Variants in NDUFAF5 observed in about 807,000 individuals in gnomAD.
The protein encoded by NDUFAF5 is NADH:ubiquinone oxidoreductase complex assembly factor 5, also known as arginine-hydroxylase NDUFAF5, mitochondrial.
In NDUFAF5, 34 loss-of-function variants were observed where a neutral mutation model predicts 48.9. The observed-to-expected ratio is 0.70, with a 90% CI of 0.53 to 0.93. NDUFAF5 has a LOEUF of 0.93. NDUFAF5 is among the 40% of genes least tolerant of loss of function. The pLI, the probability that NDUFAF5 is intolerant of heterozygous loss-of-function variation, is 0.00. For missense variants in NDUFAF5, 428 were observed against 427.5 expected (o/e 1.00, Z -0.01); for synonymous variants, 153 against 150.6 (o/e 1.02, Z -0.12).
At chr20:13,816,330 G>A in intron 8 of NDUFAF5, 133 bp from the exon 9 acceptor site, 1 of 730,048 alleles carries the variant, frequency 1.4e-6, no homozygotes, top group Non-Finnish European at 2.5e-6. Flanking sequence ...AAAGTGAAAT[G>A]AGATTTAGGT....
At chr20:13,794,019 T>C (rs1157578587) in intron 4 of NDUFAF5, among the ~76,000 whole-genome samples, 2 of 152,256 alleles carry the variant, frequency 1.3e-5, no homozygotes, top group Admixed American at 6.5e-5. Context: ...TTCTAGGTGA[T>C]TTGTAAGAGC....
At chr20:13,795,490 C>T (rs1983058526) in intron 5 of NDUFAF5, among the ~76,000 whole-genome samples, 1 of 152,116 alleles carries the variant, frequency 6.6e-6, no homozygotes, top group Non-Finnish European at 1.5e-5. Flanking sequence ...TCATTCTGGA[C>T]AAACTCAAAC....
rs2273320 is a variant in NDUFAF5 at position 13,816,254 on chromosome 20, T to C, written c.779-209T>C. The C allele has an allele frequency of 0.15, 94,318 of 612,982 alleles. 10,005 individuals carry two copies. The highest frequency in any genetic ancestry group is 0.42 in the East Asian group (14,306 of 34,454). 38.0% of individuals were successfully genotyped at this position (612,982 alleles called of 1,614,324 possible). ...TGCCTCCTGAAATTTCACTTGCCTG[T>C]CTTAATGTTGAAAAAGTTTCAAGTA... On this transcript the variant is annotated intron_variant, in intron 8 of 10. Coordinates refer to ENST00000378106, the MANE Select transcript of NDUFAF5 (RefSeq NM_024120.5).
Position 13,818,287 on chromosome 20 carries a change from T to A in NDUFAF5, c.*1077T>A, listed in dbSNP as rs147014980. ...AAACTTGCCCTTTGAAAGACTAAGT[T>A]ATAGTTAAAAACCAAGATTTGTAGG... On this transcript the variant is annotated 3_prime_UTR_variant, in exon 11 of 11. Transcript: ENST00000378106. The A allele has an allele frequency of 4.5e-6, 2 of 448,018 alleles. No individual in the cohort carries two copies. Among genetic ancestry groups the A allele is most frequent in the African/African-American group, 4.0e-5 (2 of 49,894 alleles). The allele number at this position is 448,018 out of a possible 1,614,324, so 27.8% of individuals were successfully genotyped here. A position where few individuals can be genotyped will look rare whatever the true frequency, so the allele number is the denominator to read the frequency against.
In NDUFAF5 at chr20:13,794,916, T is replaced by C; in HGVS notation, c.454T>C (p.Phe152Leu). ...EEFLPFKENT[F>L]DLVVSSLSLH... ...ATTCCTTCCCTTCAAAGAAAATACA[T>C]TTGACCTGGTGGTTAGCAGTTTAAG... The change falls in exon 5 of 11, where the codon TTT becomes CTT. Residue 152 changes from phenylalanine to leucine, a missense_variant. By Grantham distance (22) the Phe-to-Leu change is conservative (BLOSUM62 0). Coordinates refer to ENST00000378106, the MANE Select transcript of NDUFAF5 (RefSeq NM_024120.5). 1 of 1,611,210 alleles carries C rather than the reference T, an allele frequency of 6.2e-7. No homozygotes were observed. The highest frequency in any genetic ancestry group is 1.1e-5 in the South Asian group (1 of 91,008).
intron 1 of NDUFAF5, 148 bp downstream of exon 1, chr20:13,785,438 A>G: frequency 1.5e-6 from 1 of 658,822 alleles, no homozygotes; most frequent in Non-Finnish European, 2.6e-6. Context: ...TACTGTAATC[A>G]CGCAAGGCCT....
chr20:13,808,905 A>T lies in NDUFAF5; in HGVS notation c.778+3A>T, dbSNP rs201993720. 1.6e-4 allele frequency: 250 copies of T among 1,595,062 alleles called. No individual in the cohort carries two copies. Among genetic ancestry groups the T allele is most frequent in the Non-Finnish European group, 2.1e-4 (239 of 1,162,736 alleles). ...TGAATTGATGGAAGATTTACAAGGT[A>T]AGGCACTTTAAAGAATTTTTAGACT... On this transcript the variant is annotated splice_donor_region_variant and intron_variant, in intron 8 of 10. Coordinates refer to ENST00000378106, the MANE Select transcript of NDUFAF5 (RefSeq NM_024120.5).
intron 7 of NDUFAF5, among the ~76,000 whole-genome samples, chr20:13,807,473 T>C (rs988520372): frequency 2.6e-5 from 4 of 152,280 alleles, no homozygotes; most frequent in Admixed American, 2.0e-4. Context: ...AACTTACTTA[T>C]ATAATATTAC....
At position 13,785,102 on chromosome 20, in the gene NDUFAF5, C is replaced by T. The variant is rs765344076; in HGVS notation, c.34C>T (p.Arg12Trp). The T allele has an allele frequency of 3.1e-6, 5 of 1,613,340 alleles. No homozygotes were observed. The highest frequency in any genetic ancestry group is 1.1e-5 in the South Asian group (1 of 91,042). ...GCCGGCAGGGCTCTGGCGCTTATGT[C>T]GGCGACCTTGGGCGGCGAGGGTCCC... ...LRPAGLWRLC[R>W]RPWAARVPAE... The change falls in exon 1 of 11, where the codon CGG becomes TGG. Residue 12 changes from arginine to tryptophan, a missense_variant. Arg to Trp is a moderately radical substitution (Grantham distance 101). Transcript: ENST00000378106.
chr20:13,789,348 A>G (rs1378598104), intron 3 of NDUFAF5, among the ~76,000 whole-genome samples: 1 of 152,024 alleles, frequency 6.6e-6, no homozygotes, highest in Admixed American at 6.6e-5. Flanking sequence ...TATTTTTGGT[A>G]GAGATGGGGT....
intron 4 of NDUFAF5, 142 bp from the exon 5 acceptor site, chr20:13,794,696 C>A (rs1450089508): frequency 4.4e-6 from 3 of 674,174 alleles, no homozygotes; most frequent in South Asian, 1.6e-5. Context: ...TTTTTGGGTG[C>A]CTTCTCTGTG....
At chr20:13,800,909 C>T (rs977074039) in intron 6 of NDUFAF5, among the ~76,000 whole-genome samples, 1 of 152,200 alleles carries the variant, frequency 6.6e-6, no homozygotes, top group Non-Finnish European at 1.5e-5. Context: ...CTCCTCTAGG[C>T]TAGCTCAGGC....
Position 13,817,215 on chromosome 20 carries a change from T to C in NDUFAF5, c.*5T>C, listed in dbSNP as rs1237679093. The C allele has an allele frequency of 6.3e-7, 1 of 1,597,296 alleles. No homozygotes were observed. Among genetic ancestry groups the C allele is most frequent in the South Asian group, 1.1e-5 (1 of 90,718 alleles). On this transcript the variant is annotated 3_prime_UTR_variant, in exon 11 of 11. Transcript: ENST00000378106. Reference sequence around the variant, plus strand: ...CCGGGGAAAAAATCACAATAAATATTTATTCAGTGTTAATGTCGTCCAGAA... The same window carrying C: ...CCGGGGAAAAAATCACAATAAATATCTATTCAGTGTTAATGTCGTCCAGAA...
Position 13,794,942 on chromosome 20 carries a change from G to C in NDUFAF5, c.479+1G>C. ...TTGACCTGGTGGTTAGCAGTTTAAG[G>C]TTGGTAATCCACTTTTTAAAAACCA... On this transcript the variant is annotated splice_donor_variant, in intron 5 of 10. Transcript: ENST00000378106. LOFTEE classifies it high-confidence loss of function. The C allele has an allele frequency of 6.3e-7, 1 of 1,584,876 alleles. No homozygotes were observed. The highest frequency in any genetic ancestry group is 8.7e-7 in the Non-Finnish European group (1 of 1,153,424).
chr20:13,819,841 G>A lies in NDUFAF5; in HGVS notation c.*2631G>A, dbSNP rs2147643411. The A allele has an allele frequency of 6.6e-6, 1 of 152,288 alleles. No individual in the cohort carries two copies. The highest frequency in any genetic ancestry group is 2.1e-4 in the South Asian group (1 of 4,822). 9.4% of individuals were successfully genotyped at this position (152,288 alleles called of 1,614,324 possible). The stretch of plus-strand genomic sequence containing the variant: ...CCTTGACCAAAATGAACTTTCTTGA[G>A]TCATTTCTTCTCTGTTTAGCTATAA... On this transcript the variant is annotated 3_prime_UTR_variant, in exon 11 of 11. Coordinates refer to ENST00000378106, the MANE Select transcript of NDUFAF5 (RefSeq NM_024120.5).
At chr20:13,808,075 A>G (rs749165786) in intron 7 of NDUFAF5, among the ~76,000 whole-genome samples, 4 of 152,208 alleles carry the variant, frequency 2.6e-5, no homozygotes, top group African/African-American at 9.6e-5. Flanking sequence ...TCCATCTTGT[A>G]GCTGTGCCAT....
intron 5 of NDUFAF5, among the ~76,000 whole-genome samples, chr20:13,797,235 G>A (rs1983381086): frequency 6.6e-6 from 1 of 152,218 alleles, no homozygotes; most frequent in Non-Finnish European, 1.5e-5. Flanking sequence ...GCGATTGCAT[G>A]CTCCTTGGTG....
At chr20:13,804,326 A>G (rs181724001) in intron 7 of NDUFAF5, among the ~76,000 whole-genome samples, 3 of 152,218 alleles carry the variant, frequency 2.0e-5, no homozygotes, top group Admixed American at 2.0e-4. Flanking sequence ...TGGACCCCCA[A>G]AAAAGTCCTA....
At position 13,817,525 on chromosome 20, in the gene NDUFAF5, C is replaced by T; in HGVS notation, c.*315C>T. ...ATATTACTCATGCTGACCTTTTACA[C>T]CTTTTTCATTTGTCATACTGTTTTC... On this transcript the variant is annotated 3_prime_UTR_variant, in exon 11 of 11. Coordinates refer to ENST00000378106, the MANE Select transcript of NDUFAF5 (RefSeq NM_024120.5). 1 of 491,490 alleles carries T rather than the reference C, an allele frequency of 2.0e-6. No homozygotes were observed. 30.4% of individuals were successfully genotyped at this position (491,490 alleles called of 1,614,324 possible). A position where few individuals can be genotyped will look rare whatever the true frequency, so the allele number is the denominator to read the frequency against.
Sources: allele counts gnomAD v4.1 joint callset (sites outside exome capture counted in the v4.1 genomes callset), GRCh38; gene constraint gnomAD v4.1.1; transcripts MANE v1.5; gene names NCBI Gene and HGNC (gene_info 2026-07-23, HGNC 2026-07-21).